Variants in FOXN3 observed in about 807,000 individuals in gnomAD.
FOXN3 encodes forkhead box N3.
Under a neutral mutation model 38.4 loss-of-function variants are expected in FOXN3, and 7 were observed. The observed-to-expected ratio is 0.18, with a 90% CI of 0.10 to 0.34. The LOEUF is 0.34. Among genes scored for constraint, FOXN3 ranks in the 10% least tolerant of loss-of-function variants. The pLI is 1.00. For missense variants in FOXN3, 456 were observed against 613.4 expected (o/e 0.74, Z 2.71); for synonymous variants, 230 against 242.2 (o/e 0.95, Z 0.47).
intron 4 of FOXN3, among the ~76,000 whole-genome samples, chr14:89,250,330 T>G (rs1283127563): frequency 6.6e-6 from 1 of 152,342 alleles, no homozygotes; most frequent in Non-Finnish European, 1.5e-5. Context: ...AGGCTCATCT[T>G]GAACTCCTGA....
At chr14:89,447,172 G>A (rs1347167622) in intron 1 of FOXN3, among the ~76,000 whole-genome samples, 2 of 146,372 alleles carry the variant, frequency 1.4e-5, no homozygotes, top group African/African-American at 2.6e-5. Flanking sequence ...CTCCAGCCTG[G>A]ACAACAAGAG....
At chr14:89,579,150 ATTTT>A (rs35744248) in intron 1 of FOXN3, among the ~76,000 whole-genome samples, 73 of 127,728 alleles carry the variant, frequency 5.7e-4, no homozygotes, top group East Asian at 1.2e-3. Flanking sequence ...ATGCCCAGCC[ATTTT>A]TTTTTTTTTT....
intron 2 of FOXN3, among the ~76,000 whole-genome samples, chr14:89,409,839 G>C (rs1891494735): frequency 6.6e-6 from 1 of 152,156 alleles, no homozygotes; most frequent in Non-Finnish European, 1.5e-5. Flanking sequence ...TCCAGAGGTG[G>C]CTCTCCAAAT....
intron 1 of FOXN3, among the ~76,000 whole-genome samples, chr14:89,536,701 C>G (rs778782988): frequency 1.3e-5 from 2 of 152,058 alleles, no homozygotes; most frequent in Non-Finnish European, 2.9e-5. Context: ...TCGCTTGAAC[C>G]TGGGAGACGG....
chr14:89,231,491 G>C (rs893181898), intron 4 of FOXN3, among the ~76,000 whole-genome samples: 54 of 152,132 alleles, frequency 3.5e-4, no homozygotes, highest in African/African-American at 1.2e-3. Flanking sequence ...GACTGAAAAA[G>C]AATGCAGGGG....
intron 2 of FOXN3, among the ~76,000 whole-genome samples, chr14:89,369,816 G>A (rs1890263119): frequency 6.6e-6 from 1 of 152,026 alleles, no homozygotes; most frequent in Non-Finnish European, 1.5e-5. Flanking sequence ...GGAATTATGG[G>A]AGCTACGATT....
intron 4 of FOXN3, among the ~76,000 whole-genome samples, chr14:89,248,189 C>T (rs1007352319): frequency 6.6e-6 from 1 of 152,202 alleles, no homozygotes; most frequent in Non-Finnish European, 1.5e-5. Context: ...TCTGTCTTCC[C>T]ACTACACTAT....
rs374648436 is a variant in FOXN3 at position 89,617,370 on chromosome 14, C to A, written c.-15+1658G>T. Among the ~76,000 whole-genome samples, 17 of 152,322 alleles carry A rather than the reference C, an allele frequency of 1.1e-4. No individual in the cohort carries two copies. The East Asian group carries it at 1.9e-3, about 17-fold the overall frequency. ...TCCTCTTGGATGTGAAATGCATTCG[C>A]CTCAAAGCAGATGCCACAATCTCTC... On this transcript the variant is annotated intron_variant, in intron 1 of 6. Coordinates refer to the FOXN3 transcript ENST00000345097.
chr14:89,473,184 C>T (rs913349468), intron 1 of FOXN3, among the ~76,000 whole-genome samples: 2 of 151,766 alleles, frequency 1.3e-5, no homozygotes, highest in Non-Finnish European at 2.9e-5. Context: ...CCCACCACGC[C>T]TGGCTAATTT....
intron 2 of FOXN3, among the ~76,000 whole-genome samples, chr14:89,391,657 G>C (rs1304779465): frequency 1.3e-5 from 2 of 152,160 alleles, no homozygotes; most frequent in Non-Finnish European, 2.9e-5. Flanking sequence ...CCCAAATACA[G>C]CCTGGTTGGT....
intron 1 of FOXN3, among the ~76,000 whole-genome samples, chr14:89,517,795 A>G (rs572258149): frequency 8.9e-4 from 136 of 152,220 alleles, no homozygotes; most frequent in African/African-American, 3.0e-3. Flanking sequence ...CCTTCTTTCA[A>G]CTCGCCTCCC....
intron 1 of FOXN3, among the ~76,000 whole-genome samples, chr14:89,566,345 T>C (rs1158597661): frequency 6.6e-6 from 1 of 152,250 alleles, no homozygotes; most frequent in Non-Finnish European, 1.5e-5. Flanking sequence ...GGTATAAAAC[T>C]GCTGCCAGCT....
rs560452682 is a variant in FOXN3 at position 89,389,796 on chromosome 14, A to T, written c.543+22138T>A. On this transcript the variant is annotated intron_variant, in intron 2 of 5. Transcript: ENST00000557258. Reference sequence around the variant, plus strand: ...ATCCACCAGTCATCTCACAGAAATGACCCTACCGGGTCAGAGGTGACTCCT... The same window carrying T: ...ATCCACCAGTCATCTCACAGAAATGTCCCTACCGGGTCAGAGGTGACTCCT... Among the ~76,000 whole-genome samples, 9 of 152,194 alleles carry T rather than the reference A, an allele frequency of 5.9e-5. No individual in the cohort carries two copies. In the South Asian group the frequency reaches 8.3e-4, roughly 14 times the overall value.
intron 2 of FOXN3, among the ~76,000 whole-genome samples, chr14:89,360,732 AC>A (rs1889471603): frequency 1.6e-5 from 2 of 126,416 alleles, no homozygotes; most frequent in African/African-American, 3.4e-5. Context: ...CACCACCACC[AC>A]CTCCAGCACC....
At chr14:89,520,149 G>A (rs1170256532) in intron 1 of FOXN3, among the ~76,000 whole-genome samples, 1 of 150,526 alleles carries the variant, frequency 6.6e-6, no homozygotes, top group African/African-American at 2.4e-5. Flanking sequence ...GAGTAACTGG[G>A]ACTACCGCCG....
intron 1 of FOXN3, chr14:89,577,449 G>A (rs893868563): frequency 9.2e-5 from 14 of 152,200 alleles, no homozygotes; most frequent in African/African-American, 3.1e-4. Context: ...GGTCCTAGGA[G>A]TGATTCCTCC....
intron 4 of FOXN3, among the ~76,000 whole-genome samples, chr14:89,253,194 G>A (rs1256790041): frequency 6.6e-6 from 1 of 152,168 alleles, no homozygotes; most frequent in Non-Finnish European, 1.5e-5. Context: ...CTGGGGAGGG[G>A]ACCAAAAATG....
intron 4 of FOXN3, among the ~76,000 whole-genome samples, chr14:89,273,531 G>A (rs1886214376): frequency 1.3e-5 from 2 of 152,234 alleles, no homozygotes; most frequent in Non-Finnish European, 2.9e-5. Context: ...TGTAGCCACT[G>A]GGGAAGAAGG....
At chr14:89,239,058 G>A (rs2139864021) in intron 4 of FOXN3, among the ~76,000 whole-genome samples, 1 of 152,316 alleles carries the variant, frequency 6.6e-6, no homozygotes, top group Non-Finnish European at 1.5e-5. Flanking sequence ...GGAAAAGGCA[G>A]AAATCTATGA....
Sources: allele counts gnomAD v4.1 joint callset (sites outside exome capture counted in the v4.1 genomes callset), GRCh38; gene constraint gnomAD v4.1.1; transcripts MANE v1.5; gene names NCBI Gene and HGNC (gene_info 2026-07-23, HGNC 2026-07-21).